Variants in CDH18 observed in about 807,000 individuals in gnomAD.
The protein encoded by CDH18 is cadherin 18.
A neutral mutation model predicts 67.9 loss-of-function variants in CDH18; 31 were observed. The ratio of observed to expected loss-of-function variants is 0.46; its 90% CI spans 0.34 to 0.62. CDH18 has a LOEUF of 0.62. CDH18 is among the 20% of genes least tolerant of loss of function. CDH18 has a pLI of 0.01. For missense variants in CDH18, 890 were observed against 975.5 expected (o/e 0.91, Z 1.17); for synonymous variants, 362 against 347.2 (o/e 1.04, Z -0.48).
At chr5:20,439,542 A>C (rs1488592394) in intron 1 of CDH18, among the ~76,000 whole-genome samples, 1 of 151,644 alleles carries the variant, frequency 6.6e-6, no homozygotes, top group Non-Finnish European at 1.5e-5. Flanking sequence ...TTTCTAGTTT[A>C]TTAACAGTAT....
intron 5 of CDH18, among the ~76,000 whole-genome samples, chr5:19,614,307 A>T (rs1749480629): frequency 1.3e-5 from 2 of 151,804 alleles, no homozygotes; most frequent in Admixed American, 1.3e-4. Flanking sequence ...TATTGTGAAC[A>T]TATAATTGAG....
chr5:19,641,788 T>C (rs1302009071), intron 5 of CDH18, among the ~76,000 whole-genome samples: 2 of 152,002 alleles, frequency 1.3e-5, no homozygotes, highest in Non-Finnish European at 2.9e-5. Context: ...ACTCTCATTA[T>C]TTCTTTTCAA....
At chr5:19,991,171 TTACCCTGA>T (rs1799959129), upstream of CDH18, among the ~76,000 whole-genome samples, 3 of 152,148 alleles carry the variant, frequency 2.0e-5, no homozygotes, top group Non-Finnish European at 4.4e-5. Context: ...ATGCTTAATT[TTACCCTGA>T]AAATTTAGCA....
chr5:19,669,531 TCCTC>T (rs1048448678), intron 5 of CDH18, among the ~76,000 whole-genome samples: 5 of 152,136 alleles, frequency 3.3e-5, no homozygotes, highest in African/African-American at 1.2e-4. Context: ...CCTCAGGTGA[TCCTC>T]CCGTCTCGGC....
chr5:20,569,770 T>C (rs1758705818), intron 1 of CDH18, among the ~76,000 whole-genome samples: 3 of 152,202 alleles, frequency 2.0e-5, no homozygotes, highest in Admixed American at 2.0e-4. Flanking sequence ...AACTTGGTAG[T>C]AACCAAGATG....
At chr5:19,904,361 G>A (rs1232674211) in intron 2 of CDH18, among the ~76,000 whole-genome samples, 1 of 135,248 alleles carries the variant, frequency 7.4e-6, no homozygotes, top group East Asian at 2.5e-4. Flanking sequence ...GGAGGGGAAG[G>A]GAAGGGGTGG....
chr5:19,506,215 G>T (rs949585300), intron 10 of CDH18, among the ~76,000 whole-genome samples: 1 of 151,996 alleles, frequency 6.6e-6, no homozygotes, highest in East Asian at 1.9e-4. Flanking sequence ...CATGAAAGAC[G>T]TCTTAAAGGA....
At chr5:19,703,397 G>A (rs559491478) in intron 5 of CDH18, among the ~76,000 whole-genome samples, 2 of 152,166 alleles carry the variant, frequency 1.3e-5, no homozygotes, top group Non-Finnish European at 2.9e-5. Context: ...TCACAATGAT[G>A]ATGAGGAGGA....
At chr5:19,529,769 T>C (rs907093131) in intron 9 of CDH18, among the ~76,000 whole-genome samples, 5 of 152,122 alleles carry the variant, frequency 3.3e-5, no homozygotes, top group African/African-American at 7.2e-5. Context: ...ATTCTACATA[T>C]GTTGCTTTGA....
upstream of CDH18, among the ~76,000 whole-genome samples, chr5:19,988,594 C>T (rs1419946402): frequency 6.6e-6 from 1 of 152,022 alleles, no homozygotes; most frequent in Non-Finnish European, 1.5e-5. Flanking sequence ...CATCAATTCT[C>T]TGCGGGGGAG....
At chr5:20,277,967 G>A (rs569167443) in intron 1 of CDH18, among the ~76,000 whole-genome samples, 10 of 152,108 alleles carry the variant, frequency 6.6e-5, no homozygotes, top group South Asian at 2.1e-4. Flanking sequence ...CTACACAGTC[G>A]GAGGAGAAAA....
rs149624291 is a variant in CDH18 at position 20,068,428 on chromosome 5, G to T, written c.-517-76414C>A. Among the ~76,000 whole-genome samples the T allele has an allele frequency of 3.4e-3, 524 of 152,182 alleles. 2 individuals are homozygous for T. The highest frequency in any genetic ancestry group is 0.012 in the African/African-American group (502 of 41,550). On this transcript the variant is annotated intron_variant, in intron 2 of 14. Transcript: ENST00000507958. ...TGCTAAATACAACTTTAGGATAATG[G>T]TGTCTCCTGAGGAAAATGGCCAGGA...
intron 1 of CDH18, among the ~76,000 whole-genome samples, chr5:20,398,190 T>C (rs1162416285): frequency 6.6e-6 from 1 of 152,136 alleles, no homozygotes; most frequent in Non-Finnish European, 1.5e-5. Flanking sequence ...TTATTAAGTG[T>C]GTGGTATTTT....
intron 1 of CDH18, among the ~76,000 whole-genome samples, chr5:20,328,498 TGTGTGTGTGTGAGAGAGA>T (rs1561975495): frequency 6.7e-6 from 1 of 149,252 alleles, no homozygotes; most frequent in Admixed American, 6.7e-5. Context: ...TGTGTGTGTG[TGTGTGTGTGTGAGAGAGA>T]GAGAGAGAGA....
intron 2 of CDH18, among the ~76,000 whole-genome samples, chr5:20,075,973 C>A (rs181600610): frequency 6.6e-6 from 1 of 152,064 alleles, no homozygotes; most frequent in Non-Finnish European, 1.5e-5. Flanking sequence ...TGAGGTATGC[C>A]AAATTAGCTA....
chr5:19,708,014 G>A (rs759905169), intron 5 of CDH18, among the ~76,000 whole-genome samples: 1 of 152,154 alleles, frequency 6.6e-6, no homozygotes, highest in East Asian at 1.9e-4. Context: ...CCTATTATCT[G>A]GAAACATGGC....
At chr5:19,809,082 TG>T in intron 3 of CDH18, among the ~76,000 whole-genome samples, 1 of 152,264 alleles carries the variant, frequency 6.6e-6, no homozygotes, top group East Asian at 1.9e-4. Context: ...AGGAAAGATG[TG>T]GCCATAAAAA....
chr5:20,057,809 T>C (rs1207401785), intron 2 of CDH18, among the ~76,000 whole-genome samples: 1 of 152,148 alleles, frequency 6.6e-6, no homozygotes, highest in East Asian at 1.9e-4. Context: ...TTTCTTTAAA[T>C]AATAAATAAA....
At chr5:19,894,761 C>G (rs1030390375) in intron 2 of CDH18, among the ~76,000 whole-genome samples, 4 of 152,070 alleles carry the variant, frequency 2.6e-5, no homozygotes, top group African/African-American at 9.7e-5. Flanking sequence ...TAACATTTGA[C>G]CTCTGAACAT....
Sources: gnomAD v4.1 joint callset for allele counts (sites outside exome capture counted in the v4.1 genomes callset) on GRCh38, gnomAD v4.1.1 for gene constraint, MANE v1.5 for transcripts, NCBI Gene and HGNC (gene_info 2026-07-23, HGNC 2026-07-21) for gene names.